GNAZ: variants seen among roughly 807,000 people sequenced by gnomAD.
GNAZ encodes the protein G protein subunit alpha z.
A neutral mutation model predicts 25.4 loss-of-function variants in GNAZ; 3 were observed. The observed-to-expected ratio is 0.12, with a 90% CI of 0.05 to 0.30. GNAZ has a LOEUF of 0.30. Among genes scored for constraint, GNAZ ranks in the 10% least tolerant of loss-of-function variants. The pLI is 1.00. For missense variants in GNAZ, 241 were observed against 501.8 expected (o/e 0.48, Z 4.97); for synonymous variants, 211 against 205.7 (o/e 1.03, Z -0.22).
At chr22:23,072,068 G>A (rs1417746749) in intron 1 of GNAZ, among the ~76,000 whole-genome samples, 1 of 152,100 alleles carries the variant, frequency 6.6e-6, no homozygotes, top group East Asian at 1.9e-4. Context: ...GGTGGGCCTG[G>A]AGAAGAGCTA....
intron 2 of GNAZ, among the ~76,000 whole-genome samples, chr22:23,121,740 G>C (rs1232620130): frequency 1.3e-5 from 1 of 74,346 alleles, no homozygotes; most frequent in South Asian, 4.6e-4. Flanking sequence ...TTTTTTTTTT[G>C]AGACAGAGTC....
intron 2 of GNAZ, among the ~76,000 whole-genome samples, chr22:23,101,933 A>G (rs1214058453): frequency 2.0e-5 from 3 of 152,198 alleles, no homozygotes; most frequent in African/African-American, 7.2e-5. Flanking sequence ...TGATATCCCC[A>G]GCCCGCATCC....
intron 1 of GNAZ, among the ~76,000 whole-genome samples, chr22:23,080,679 C>T (rs906057098): frequency 2.0e-5 from 3 of 152,196 alleles, no homozygotes; most frequent in African/African-American, 7.2e-5. Context: ...CTGCAAAGAG[C>T]CCACAAACAC....
chr22:23,085,023 A>C (rs1309599105), intron 1 of GNAZ, among the ~76,000 whole-genome samples: 1 of 152,108 alleles, frequency 6.6e-6, no homozygotes, highest in Non-Finnish European at 1.5e-5. Flanking sequence ...GCCACCTGCC[A>C]CTAGGTGGGG....
chr22:23,114,477 GC>G (rs1411370562), intron 2 of GNAZ, among the ~76,000 whole-genome samples: 1 of 151,950 alleles, frequency 6.6e-6, no homozygotes, highest in African/African-American at 2.4e-5. Flanking sequence ...CTTCCCCTCA[GC>G]CCCCAGAGGT....
chr22:23,084,877 G>A (rs534596943), intron 1 of GNAZ, among the ~76,000 whole-genome samples: 19 of 152,310 alleles, frequency 1.2e-4, no homozygotes, highest in African/African-American at 3.8e-4. Flanking sequence ...CACTGTCTGC[G>A]GTTTTGTGGT....
chr22:23,095,611 G>A lies in GNAZ; in HGVS notation c.-85G>A, dbSNP rs9624024. ...GTGCCTCCAGGGCAGCTGGGCTCTTGTCTGCCTGGTCTCAGTGTCCCCTGT... is the reference window on the plus strand; with the variant it reads ...GTGCCTCCAGGGCAGCTGGGCTCTTATCTGCCTGGTCTCAGTGTCCCCTGT... On this transcript the variant is annotated 5_prime_UTR_variant, in exon 2 of 3. Transcript: ENST00000615612. The A allele has an allele frequency of 8.4e-3, 12,341 of 1,465,018 alleles. 898 individuals are homozygous for A. The African/African-American group carries it at 0.15, about 18-fold the overall frequency. The allele number at this position is 1,465,018 out of a possible 1,614,324, so 90.8% of individuals were successfully genotyped here. A position where few individuals can be genotyped will look rare whatever the true frequency, so the allele number is the denominator to read the frequency against.
chr22:23,081,655 C>A (rs1236917702), intron 1 of GNAZ, among the ~76,000 whole-genome samples: 1 of 151,748 alleles, frequency 6.6e-6, no homozygotes, highest in Non-Finnish European at 1.5e-5. Flanking sequence ...AACCCTGTCT[C>A]TACTAAAAAT....
intron 1 of GNAZ, 27 bp from the exon 2 acceptor site, chr22:23,095,220 G>A: frequency 5.8e-6 from 1 of 170,996 alleles, no homozygotes; most frequent in East Asian, 1.7e-4. Context: ...CGGGGAGGAG[G>A]CTCACGCTTT....
chr22:23,079,210 C>A (rs1177838101), intron 1 of GNAZ, among the ~76,000 whole-genome samples: 1 of 152,330 alleles, frequency 6.6e-6, no homozygotes, highest in Admixed American at 6.5e-5. Context: ...ATGCTTGGGG[C>A]AAGGCAGCAC....
chr22:23,118,843 C>T (rs1422165375), intron 2 of GNAZ, among the ~76,000 whole-genome samples: 1 of 152,216 alleles, frequency 6.6e-6, no homozygotes, highest in Non-Finnish European at 1.5e-5. Flanking sequence ...CCTGCCAGGC[C>T]AGGGAGGGCA....
In GNAZ at chr22:23,124,024, C is replaced by G. The variant is rs2070105547; in HGVS notation, c.*593C>G. The G allele has an allele frequency of 8.6e-6, 2 of 232,506 alleles. No homozygotes were observed. The highest frequency in any genetic ancestry group is 1.7e-5 in the Non-Finnish European group (2 of 115,044). 14.4% of individuals were successfully genotyped at this position (232,506 alleles called of 1,614,324 possible). A position where few individuals can be genotyped will look rare whatever the true frequency, so the allele number is the denominator to read the frequency against. ...CGGGTGACAGCACTAACCAGACCTCCAGCCACTCACAGCTCTTTTTAAAAA... is the reference window on the plus strand; with the variant it reads ...CGGGTGACAGCACTAACCAGACCTCGAGCCACTCACAGCTCTTTTTAAAAA... On this transcript the variant is annotated 3_prime_UTR_variant, in exon 3 of 3. Coordinates refer to ENST00000615612, the MANE Select transcript of GNAZ (RefSeq NM_002073.4).
rs1450296277 is a variant in GNAZ, at chr22:23,071,509, G to C, written c.-450+939G>C. 1.3e-5 allele frequency among the ~76,000 whole-genome samples: 2 copies of C among 152,216 alleles called. No homozygotes were observed. The highest frequency in any genetic ancestry group is 2.9e-5 in the Non-Finnish European group (2 of 68,038). On this transcript the variant is annotated intron_variant, in intron 1 of 2. Transcript: ENST00000615612. The surrounding 1 kb of genome is among the most constrained non-coding windows in gnomAD (Gnocchi z 4.1). ...TCCTTTCTGCCCAAGTGATTTCCCT[G>C]CCCTGGGGATTGAGCTCTCTGGAGA...
In GNAZ at chr22:23,108,062, G is replaced by A. The variant is rs377577496; in HGVS notation, c.723+11644G>A. Among the ~76,000 whole-genome samples the A allele has an allele frequency of 3.3e-4, 50 of 152,122 alleles. 1 individual carries two copies. The East Asian group carries it at 8.9e-3, about 27-fold the overall frequency. On this transcript the variant is annotated intron_variant, in intron 2 of 2. Coordinates refer to ENST00000615612, the MANE Select transcript of GNAZ (RefSeq NM_002073.4). ...TCTGGGTGTGAGGCCTGTGCCCCCC[G>A]CCCTGATCCAGCCCATCTGTGGGCC...
At chr22:23,104,343 G>C (rs1045586850) in intron 2 of GNAZ, among the ~76,000 whole-genome samples, 1 of 152,208 alleles carries the variant, frequency 6.6e-6, no homozygotes. Context: ...CCCCAGGACT[G>C]TGTCCCTCCC....
At chr22:23,100,939 GC>G (rs1228653143) in intron 2 of GNAZ, among the ~76,000 whole-genome samples, 4 of 152,204 alleles carry the variant, frequency 2.6e-5, no homozygotes, top group Non-Finnish European at 5.9e-5. Flanking sequence ...TTATCATTTA[GC>G]CCAAAAAGGG....
At chr22:23,121,100 C>T (rs987394634) in intron 2 of GNAZ, among the ~76,000 whole-genome samples, 3 of 152,192 alleles carry the variant, frequency 2.0e-5, no homozygotes, top group African/African-American at 4.8e-5. Context: ...CAGCCAGGTT[C>T]ACTGCGGAGG....
chr22:23,113,289 A>G (rs2069711278), intron 2 of GNAZ, among the ~76,000 whole-genome samples: 1 of 151,994 alleles, frequency 6.6e-6, no homozygotes, highest in Non-Finnish European at 1.5e-5. Flanking sequence ...CTTCTCTCCC[A>G]CAGATCTTAC....
chr22:23,075,643 C>T (rs2146253889), intron 1 of GNAZ, among the ~76,000 whole-genome samples: 1 of 152,326 alleles, frequency 6.6e-6, no homozygotes, highest in East Asian at 1.9e-4. Flanking sequence ...TTAAAAGCCA[C>T]AGTGCAGGGA....
Sources: allele counts gnomAD v4.1 joint callset (sites outside exome capture counted in the v4.1 genomes callset), GRCh38; gene constraint gnomAD v4.1.1; non-coding constraint Gnocchi (gnomAD v3.1); transcripts MANE v1.5; gene names NCBI Gene and HGNC (gene_info 2026-07-23, HGNC 2026-07-21).